The following WIPF1 variants were observed in gnomAD, a reference collection of about 807,000 sequenced individuals.
WIPF1 encodes the protein WAS/WASL-interacting protein family member 1.
A neutral mutation model predicts 35.4 loss-of-function variants in WIPF1; 13 were observed. The ratio of observed to expected loss-of-function variants is 0.37; its 90% CI spans 0.24 to 0.58. The LOEUF (loss-of-function observed/expected upper bound fraction) is 0.58. Among genes scored for constraint, WIPF1 ranks in the 20% least tolerant of loss-of-function variants. The pLI is 0.74. For missense variants in WIPF1, 591 were observed against 667.0 expected, an observed-to-expected ratio of 0.89 and a Z score of 1.25; for synonymous variants, 267 against 266.3, an observed-to-expected ratio of 1.00 and a Z score of -0.02.
At chr2:174,603,042 T>C (rs1686055386) in intron 1 of WIPF1, among the ~76,000 whole-genome samples, 1 of 152,144 alleles carries the variant, frequency 6.6e-6, no homozygotes, top group Non-Finnish European at 1.5e-5. Flanking sequence ...TCAAGGAAAT[T>C]TGTAGGCTGA....
At chr2:174,570,662 C>T (rs1684799212) in intron 5 of WIPF1, 1 of 152,142 alleles carries the variant, frequency 6.6e-6, no homozygotes, top group African/African-American at 2.4e-5. Flanking sequence ...GGGACCCAGG[C>T]ATTGGTGGTT....
At chr2:174,637,443 A>T (rs1687207399) in intron 1 of WIPF1, among the ~76,000 whole-genome samples, 2 of 152,242 alleles carry the variant, frequency 1.3e-5, no homozygotes, top group Admixed American at 1.3e-4. Context: ...TTAATAAAAA[A>T]TTTTGTTTAA....
Position 174,559,819 on chromosome 2 carries a change from C to T in WIPF1, c.*2728G>A, listed in dbSNP as rs1344363942. On this transcript the variant is annotated 3_prime_UTR_variant, in exon 8 of 8. Coordinates refer to ENST00000679041, the MANE Select transcript of WIPF1 (RefSeq NM_001375834.1). ...CATCCCATTTCTGCTACTAAAATAACAAAACTGGTATTACACTTTAAAATA... is the reference window on the plus strand; with the variant it reads ...CATCCCATTTCTGCTACTAAAATAATAAAACTGGTATTACACTTTAAAATA... 2 of 152,524 alleles carry T rather than the reference C, an allele frequency of 1.3e-5. No homozygotes were observed. Among genetic ancestry groups the T allele is most frequent in the Non-Finnish European group, 2.9e-5 (2 of 67,984 alleles). The allele number at this position is 152,524 out of a possible 1,614,324, so 9.4% of individuals were successfully genotyped here.
intron 1 of WIPF1, among the ~76,000 whole-genome samples, chr2:174,619,185 G>T (rs1029069620): frequency 6.6e-6 from 1 of 152,136 alleles, no homozygotes; most frequent in Non-Finnish European, 1.5e-5. Context: ...TTGGGCTCAA[G>T]CAATCCTCCC....
intron 5 of WIPF1, among the ~76,000 whole-genome samples, chr2:174,568,281 C>G (rs1441326035): frequency 6.6e-6 from 1 of 152,108 alleles, no homozygotes. Flanking sequence ...CAAGTGCATA[C>G]TGATAGCTAA....
intron 1 of WIPF1, among the ~76,000 whole-genome samples, chr2:174,619,877 C>T (rs945706477): frequency 5.9e-5 from 9 of 151,448 alleles, no homozygotes; most frequent in African/African-American, 1.5e-4. Context: ...AGGACGTCGA[C>T]GTTGCAAGAA....
chr2:174,625,421 T>C (rs1192440186), intron 1 of WIPF1, among the ~76,000 whole-genome samples: 4 of 152,136 alleles, frequency 2.6e-5, no homozygotes. Flanking sequence ...CCGGGTTTGT[T>C]TTACTTTACT....
rs145328052 is a variant in WIPF1, at chr2:174,626,471, A to G, written c.-38-40860T>C. Among the ~76,000 whole-genome samples the G allele has an allele frequency of 1.2e-3, 187 of 152,202 alleles. 4 individuals carry two copies. The highest frequency in any genetic ancestry group is 2.3e-3 in the African/African-American group (94 of 41,522). Reference sequence around the variant, plus strand: ...TCCTATATTCAGACACACATATCCAACTGCCCACTTGACATCTCCACTTGG... The same window carrying G: ...TCCTATATTCAGACACACATATCCAGCTGCCCACTTGACATCTCCACTTGG... On this transcript the variant is annotated intron_variant, in intron 1 of 8. Coordinates refer to the WIPF1 transcript ENST00000272746.
In WIPF1 at chr2:174,585,537, G is replaced by A. The variant is rs759577188; in HGVS notation, c.37C>T (p.Pro13Ser). The A allele has an allele frequency of 1.1e-5, 18 of 1,613,048 alleles. No individual in the cohort carries two copies. Among genetic ancestry groups the A allele is most frequent in the Non-Finnish European group, 1.4e-5 (17 of 1,179,600 alleles). The change falls in exon 2 of 8, where the codon CCG becomes TCG. Residue 13 changes from proline (P) to serine (S), a missense_variant. Physicochemically the swap from Pro to Ser is moderately conservative, Grantham distance 74. Coordinates refer to ENST00000679041, the MANE Select transcript of WIPF1 (RefSeq NM_001375834.1). ...VPPPPAPPPP[P>S]TFALANTEKP... Reference sequence around the variant, plus strand: ...GAGACACTCACCAGTGCAAACGTCGGGGGCGGCGGGGGTGCTGGAGGGGGA... The same window carrying A: ...GAGACACTCACCAGTGCAAACGTCGAGGGCGGCGGGGGTGCTGGAGGGGGA...
At chr2:174,659,310 T>C (rs1397949968) in intron 1 of WIPF1, among the ~76,000 whole-genome samples, 1 of 152,142 alleles carries the variant, frequency 6.6e-6, no homozygotes, top group East Asian at 1.9e-4. Context: ...CAGTTTTCTG[T>C]TTCCTGTTTC....
At chr2:174,606,400 T>C (rs1452177244) in intron 1 of WIPF1, among the ~76,000 whole-genome samples, 4 of 152,242 alleles carry the variant, frequency 2.6e-5, no homozygotes, top group Non-Finnish European at 5.9e-5. Flanking sequence ...TACTCTTTTT[T>C]TCACAAGAAG....
chr2:174,607,652 C>A (rs140207048), intron 1 of WIPF1, among the ~76,000 whole-genome samples: 1 of 152,118 alleles, frequency 6.6e-6, no homozygotes, highest in African/African-American at 2.4e-5. Flanking sequence ...CTTCTCCCCC[C>A]ATCTCTTTGC....
rs1685396306 is a variant in WIPF1, at chr2:174,585,758, A to G, written c.-38-147T>C. On this transcript the variant is annotated intron_variant, in intron 1 of 7. Coordinates refer to ENST00000679041, the MANE Select transcript of WIPF1 (RefSeq NM_001375834.1). ...TACCTTTACACCTCACTGCTAAAAC[A>G]TTACTGTTCTGGAAGGATCCCGGCA... The G allele has an allele frequency of 9.2e-6, 6 of 651,936 alleles. No homozygotes were observed. The South Asian group carries it at 9.6e-5, about 10-fold the overall frequency. The allele number at this position is 651,936 out of a possible 1,614,324, so 40.4% of individuals were successfully genotyped here. A position where few individuals can be genotyped will look rare whatever the true frequency, so the allele number is the denominator to read the frequency against.
intron 1 of WIPF1, among the ~76,000 whole-genome samples, chr2:174,596,785 C>T (rs1222426661): frequency 6.6e-6 from 1 of 152,044 alleles, no homozygotes; most frequent in Non-Finnish European, 1.5e-5. Context: ...TTATATGTGC[C>T]TTCTGAGTTT....
rs536817497 is a variant in WIPF1 at position 174,635,059 on chromosome 2, G to A, written c.-39+47715C>T. ...CCTCTCTGGAGGGCACCAACATCAA[G>A]GGAACACACTCAGGCCTTGGTTCAT... On this transcript the variant is annotated intron_variant, in intron 1 of 8. Transcript: ENST00000272746. 3.3e-5 allele frequency among the ~76,000 whole-genome samples: 5 copies of A among 152,256 alleles called. No homozygotes were observed. The East Asian group carries it at 9.7e-4, about 29-fold the overall frequency.
At chr2:174,588,770 G>A (rs1182406396) in intron 1 of WIPF1, among the ~76,000 whole-genome samples, 1 of 152,222 alleles carries the variant, frequency 6.6e-6, no homozygotes, top group Non-Finnish European at 1.5e-5. Flanking sequence ...ATTGAAAGAA[G>A]TGCTGCCTTT....
At chr2:174,662,519 CT>C (rs1687799457) in intron 1 of WIPF1, among the ~76,000 whole-genome samples, 1 of 152,188 alleles carries the variant, frequency 6.6e-6, no homozygotes, top group Non-Finnish European at 1.5e-5. Context: ...GTTTAGTTTA[CT>C]ATGTACAGAA....
At chr2:174,578,492 C>A (rs1398685052) in intron 3 of WIPF1, among the ~76,000 whole-genome samples, 1 of 152,196 alleles carries the variant, frequency 6.6e-6, no homozygotes, top group African/African-American at 2.4e-5. Context: ...TTTTCCCTTG[C>A]TCATTGAGGT....
In WIPF1 at chr2:174,581,342, A is replaced by T; in HGVS notation, c.149T>A (p.Val50Asp). 1 of 1,614,020 alleles carries T rather than the reference A, an allele frequency of 6.2e-7. No individual in the cohort carries two copies. The highest frequency in any genetic ancestry group is 8.5e-7 in the Non-Finnish European group (1 of 1,179,976). The change falls in exon 3 of 8, where the codon GTC becomes GAC. Residue 50 changes from valine to aspartate, a missense_variant. This residue lies in a region of WIPF1 where 471 missense variants were observed against 501.1 expected (regional missense o/e 0.94). Coordinates refer to ENST00000679041, the MANE Select transcript of WIPF1 (RefSeq NM_001375834.1). ...ISKGKKLKKT[V>D]TNDRSAPILD... ...TATTGGTGCACTTCTGTCATTGGTG[A>T]CCGTCTTCTTTAGTTTCTTCCCTTT... is the stretch of plus-strand genomic sequence containing the variant.
Sources: allele counts gnomAD v4.1 joint callset (sites outside exome capture counted in the v4.1 genomes callset), GRCh38; gene constraint gnomAD v4.1.1; regional missense constraint gnomAD v4.1.1; transcripts MANE v1.5; gene names NCBI Gene and HGNC (gene_info 2026-07-23, HGNC 2026-07-21).